Variants in BUD13 observed in about 807,000 individuals in gnomAD.
BUD13 encodes BUD13 spliceosome associated protein, also known as BUD13 homolog.
In BUD13, 47 loss-of-function variants were observed where a neutral mutation model predicts 62.5. That is an observed-to-expected ratio of 0.75 (90% CI 0.60 to 0.96). The LOEUF (loss-of-function observed/expected upper bound fraction) is 0.96. Among genes scored for constraint, BUD13 ranks in the 40% least tolerant of loss-of-function variants. The pLI is 0.00. For synonymous variants in BUD13, 293 were observed against 280.1 expected (o/e 1.05, Z -0.46); for missense variants, 821 against 790.9 (o/e 1.04, Z -0.46).
chr11:116,764,930 A>G (rs186447809), intron 3 of BUD13, among the ~76,000 whole-genome samples: 1 of 152,330 alleles, frequency 6.6e-6, no homozygotes, highest in Non-Finnish European at 1.5e-5. Context: ...GAAATTTACT[A>G]ACACAAACAG....
chr11:116,759,420 T>C (rs1940391629), intron 5 of BUD13, among the ~76,000 whole-genome samples: 1 of 152,180 alleles, frequency 6.6e-6, no homozygotes, highest in Non-Finnish European at 1.5e-5. Context: ...GGCTACGCAT[T>C]TGTATTTCTG....
At chr11:116,750,006 T>C (rs944060829) in intron 9 of BUD13, among the ~76,000 whole-genome samples, 1 of 152,194 alleles carries the variant, frequency 6.6e-6, no homozygotes, top group Non-Finnish European at 1.5e-5. Context: ...ATACAATGCA[T>C]TTGAAATCTC....
chr11:116,758,557 C>A (rs1940373181), intron 6 of BUD13, 150 bp from the exon 7 acceptor site: 1 of 709,978 alleles, frequency 1.4e-6, no homozygotes, highest in Admixed American at 3.2e-5. Context: ...TGCATATTGG[C>A]ACTGGGCCCA....
intron 9 of BUD13, among the ~76,000 whole-genome samples, chr11:116,751,401 G>A (rs927506637): frequency 2.0e-4 from 30 of 151,918 alleles, no homozygotes; most frequent in Non-Finnish European, 4.4e-4. Flanking sequence ...GGCCGAGGCA[G>A]GTGAATCACC....
At position 116,762,650 on chromosome 11, in the gene BUD13, T is replaced by C. The variant is rs1461059273; in HGVS notation, c.939A>G (p.Pro313=). Residue 313 remains proline (P), a synonymous_variant, in exon 4 of 10, where the codon CCA becomes CCG. Transcript: ENST00000260210. ...GGTCATACTCATATTTGCTGTTCTT[T>C]GGGAATGACAAATGGGAGGCTCCTG... ...KESGASHLSF[P]KNSKYEYDPD... is the part of the protein sequence containing the mutation. The C allele has an allele frequency of 3.4e-5, 55 of 1,614,062 alleles. No homozygotes were observed. In the East Asian group the frequency reaches 1.2e-3, roughly 35 times the overall value.
At chr11:116,770,557 C>T (rs1326854075) in intron 1 of BUD13, among the ~76,000 whole-genome samples, 4 of 151,390 alleles carry the variant, frequency 2.6e-5, no homozygotes, top group Non-Finnish European at 5.9e-5. Flanking sequence ...TGCAGTGGCA[C>T]GATCTCAGCT....
rs1305092483 is a variant in BUD13 at position 116,748,998 on chromosome 11, A to G, written c.1767-423T>C. On this transcript the variant is annotated intron_variant, in intron 9 of 9. Transcript: ENST00000260210. ...TCTGTCTCAAAAAAAAAAAAAAAAA[A>G]AAAGAAAGAAAGAAACAAAAAAGAA... 1.6e-3 allele frequency among the ~76,000 whole-genome samples: 238 copies of G among 151,076 alleles called. 4 individuals carry two copies. The highest frequency in any genetic ancestry group is 1.7e-3 in the Non-Finnish European group (112 of 67,722).
Position 116,758,250 on chromosome 11 carries a change from C to T in BUD13, c.1499+19G>A, listed in dbSNP as rs1456053729. On this transcript the variant is annotated intron_variant, in intron 7 of 9. Transcript: ENST00000260210. ...TCCAGTCACTGCCATCTTGTTTACC[C>T]TTTCAGTGGTTCCCTTACCCTTTTC... 3.1e-6 allele frequency: 5 copies of T among 1,613,378 alleles called. No individual in the cohort carries two copies. In the South Asian group the frequency reaches 3.3e-5, roughly 11 times the overall value.
intron 9 of BUD13, among the ~76,000 whole-genome samples, chr11:116,751,212 C>A (rs1940226276): frequency 6.6e-6 from 1 of 152,208 alleles, no homozygotes; most frequent in African/African-American, 2.4e-5. Context: ...CTCCTGGGCT[C>A]AGGGGCTATC....
chr11:116,759,034 G>T, intron 6 of BUD13, 40 bp downstream of exon 6: 8 of 1,320,612 alleles, frequency 6.1e-6, no homozygotes, highest in African/African-American at 1.5e-5. Context: ...AAAAAAAACA[G>T]TATGAGCCTA....
At chr11:116,750,864 T>C (rs1048077819) in intron 9 of BUD13, among the ~76,000 whole-genome samples, 5 of 152,130 alleles carry the variant, frequency 3.3e-5, no homozygotes, top group African/African-American at 7.2e-5. Context: ...ACCTCTCTCA[T>C]CCATCTCACG....
chr11:116,763,424 C>T (rs921515160), intron 3 of BUD13, among the ~76,000 whole-genome samples, 158 bp from the exon 4 acceptor site: 42 of 152,288 alleles, frequency 2.8e-4, no homozygotes, highest in African/African-American at 9.4e-4. Context: ...GGCAGCAAAC[C>T]ACCACTCATG....
rs1591298252 is a variant in BUD13, at chr11:116,759,056, G to A, written c.1360+18C>T. ...ACAGTATGAGCCTAAATTGGTCTCT[G>A]CACTTTCATATTTTTACCTTCAAAT... On this transcript the variant is annotated intron_variant, in intron 6 of 9. Coordinates refer to ENST00000260210, the MANE Select transcript of BUD13 (RefSeq NM_032725.4). 6.3e-7 allele frequency: 1 copy of A among 1,584,468 alleles called. No individual in the cohort carries two copies. Among genetic ancestry groups the A allele is most frequent in the Non-Finnish European group, 8.7e-7 (1 of 1,154,844 alleles).
chr11:116,762,840 T>C lies in BUD13; in HGVS notation c.749A>G (p.Asp250Gly), dbSNP rs1200997560. 1 of 1,611,560 alleles carries C rather than the reference T, an allele frequency of 6.2e-7. No homozygotes were observed. The highest frequency in any genetic ancestry group is 2.2e-5 in the East Asian group (1 of 44,664). Residue 250 changes from aspartate to glycine, a missense_variant, in exon 4 of 10, where the codon GAC (aspartate) becomes GGC (glycine). By Grantham distance (94) the Asp-to-Gly change is moderately conservative. This residue lies in a region of BUD13 where 800 missense variants were observed against 739.2 expected (regional missense o/e 1.08). Transcript: ENST00000260210. ...SPRRVHNNSP[D>G]TSRRTLGSSD... is the part of the protein sequence containing the mutation. ...AGAGCCAAGAGTCCTCCTAGATGTG[T>C]CAGGGGAGTTGTTATGGACCCTTCT...
At chr11:116,752,568 G>A (rs1335677002) in intron 9 of BUD13, among the ~76,000 whole-genome samples, 3 of 152,036 alleles carry the variant, frequency 2.0e-5, no homozygotes, top group Non-Finnish European at 2.9e-5. Context: ...ACAAAAACTC[G>A]GTAGCAGGGA....
rs773016804 is a variant in BUD13 at position 116,758,400 on chromosome 11, A to G, written c.1368T>C (p.Phe456=). The G allele has an allele frequency of 1.1e-5, 18 of 1,613,928 alleles. No individual in the cohort carries two copies. Among genetic ancestry groups the G allele is most frequent in the Non-Finnish European group, 1.5e-5 (18 of 1,179,964 alleles). The part of the protein sequence containing the change: ...DQETMAFEAE[F]QYAETVFRDK... The stretch of plus-strand genomic sequence containing the variant: ...CTCGAAATACGGTTTCAGCATATTG[A>G]AATTCAGCTGCAAAGGAAAATTATA... The change falls in exon 7 of 10, where the codon TTT becomes TTC. Residue 456 remains phenylalanine (F), a synonymous_variant. Coordinates refer to ENST00000260210, the MANE Select transcript of BUD13 (RefSeq NM_032725.4).
chr11:116,766,294 C>G (rs1057096708), intron 2 of BUD13, among the ~76,000 whole-genome samples: 1 of 152,188 alleles, frequency 6.6e-6, no homozygotes, highest in African/African-American at 2.4e-5. Flanking sequence ...TCGATTCTCA[C>G]AATAATCCTG....
chr11:116,754,942 A>G (rs1940299310), intron 9 of BUD13, among the ~76,000 whole-genome samples: 1 of 152,252 alleles, frequency 6.6e-6, no homozygotes, highest in African/African-American at 2.4e-5. Flanking sequence ...TATATCATTC[A>G]TGATGTCCAG....
intron 1 of BUD13, among the ~76,000 whole-genome samples, chr11:116,770,525 C>T (rs528149522): frequency 3.3e-5 from 5 of 150,016 alleles, no homozygotes; most frequent in East Asian, 3.9e-4. Flanking sequence ...GACGGAGTCT[C>T]GCTCTGTTGC....
Sources: gnomAD v4.1 joint callset for allele counts (sites outside exome capture counted in the v4.1 genomes callset) on GRCh38, gnomAD v4.1.1 for gene constraint, gnomAD v4.1.1 regional missense constraint, MANE v1.5 for transcripts, NCBI Gene and HGNC (gene_info 2026-07-23, HGNC 2026-07-21) for gene names.